The following TOR1AIP1 variants were observed in gnomAD, a reference collection of about 807,000 sequenced individuals.
TOR1AIP1 encodes torsin-1A-interacting protein 1.
In TOR1AIP1, 54 loss-of-function variants were observed where a neutral mutation model predicts 63.3. The ratio of observed to expected loss-of-function variants is 0.85; its 90% CI spans 0.69 to 1.07. TOR1AIP1 has a LOEUF of 1.07. TOR1AIP1 is among the 50% of genes least tolerant of loss of function. TOR1AIP1 has a pLI of 0.00. For missense variants in TOR1AIP1, 736 were observed against 715.0 expected (o/e 1.03, Z -0.33); for synonymous variants, 294 against 273.5 (o/e 1.07, Z -0.74).
intron 8 of TOR1AIP1, among the ~76,000 whole-genome samples, chr1:179,912,418 C>T (rs1248449584): frequency 6.6e-6 from 1 of 152,100 alleles, no homozygotes; most frequent in African/African-American, 2.4e-5. Flanking sequence ...CAATGTCCTG[C>T]CTTGGCAGTA....
At chr1:179,910,375 A>C (rs531835032) in intron 8 of TOR1AIP1, among the ~76,000 whole-genome samples, 2 of 152,340 alleles carry the variant, frequency 1.3e-5, no homozygotes, top group South Asian at 4.1e-4. Context: ...TAATTGGACC[A>C]AATGACATGC....
At chr1:179,903,774 G>T (rs1648538660) in intron 5 of TOR1AIP1, among the ~76,000 whole-genome samples, 192 bp from the exon 6 acceptor site, 1 of 152,214 alleles carries the variant, frequency 6.6e-6, no homozygotes, top group African/African-American at 2.4e-5. Context: ...CTCCCAATGT[G>T]CTGGGATTAT....
chr1:179,896,312 C>CT (rs1385159912), intron 3 of TOR1AIP1, among the ~76,000 whole-genome samples: 1 of 152,012 alleles, frequency 6.6e-6, no homozygotes, highest in African/African-American at 2.4e-5. Context: ...GGGTCTCACT[C>CT]TGTCACCCAG....
chr1:179,916,493 A>AT (rs1451526693), intron 9 of TOR1AIP1, among the ~76,000 whole-genome samples: 1 of 152,196 alleles, frequency 6.6e-6, no homozygotes, highest in Non-Finnish European at 1.5e-5. Flanking sequence ...ATGAAGTAGA[A>AT]TATGAGAAAG....
chr1:179,883,062 C>A (rs527523876), intron 1 of TOR1AIP1, 85 bp downstream of exon 1: 7 of 1,243,402 alleles, frequency 5.6e-6, no homozygotes, highest in Non-Finnish European at 8.0e-6. Context: ...CTCATGCCCG[C>A]CTGGGTACTA....
Position 179,918,299 on chromosome 1 carries a change from C to T in TOR1AIP1, c.*60C>T. The stretch of plus-strand genomic sequence containing the variant: ...CTGAGAATTGTTCACACTTTCTAAC[C>T]AGAGACAGAATTCAGAGCTCTTTTT... On this transcript the variant is annotated 3_prime_UTR_variant, in exon 10 of 10. Transcript: ENST00000606911. 6.8e-7 allele frequency: 1 copy of T among 1,477,664 alleles called. No homozygotes were observed. The highest frequency in any genetic ancestry group is 2.3e-5 in the Admixed American group (1 of 42,894). 91.5% of individuals were successfully genotyped at this position (1,477,664 alleles called of 1,614,324 possible).
At position 179,919,423 on chromosome 1, in the gene TOR1AIP1, G is replaced by A. The variant is rs978847886; in HGVS notation, c.*1184G>A. The stretch of plus-strand genomic sequence containing the variant: ...GATTTCATTTTCCGCGCATCCACTT[G>A]TTGCAGTCCAAGTCCTCTAGTGCAA... On this transcript the variant is annotated 3_prime_UTR_variant, in exon 10 of 10. Coordinates refer to ENST00000606911, the MANE Select transcript of TOR1AIP1 (RefSeq NM_015602.4). The A allele has an allele frequency of 2.0e-5, 3 of 152,170 alleles. No individual in the cohort carries two copies. The highest frequency in any genetic ancestry group is 2.0e-4 in the Admixed American group (3 of 15,278). The allele number at this position is 152,170 out of a possible 1,614,324, so 9.4% of individuals were successfully genotyped here.
intron 7 of TOR1AIP1, 65 bp downstream of exon 7, chr1:179,907,929 T>TC (rs2148480088): frequency 8.0e-7 from 1 of 1,250,934 alleles, no homozygotes; most frequent in African/African-American, 1.6e-5. Context: ...TTTTTTTTTT[T>TC]TTTTTGAGAC....
chr1:179,899,574 G>GT (rs980637848), intron 3 of TOR1AIP1, among the ~76,000 whole-genome samples: 14 of 151,994 alleles, frequency 9.2e-5, no homozygotes, highest in Non-Finnish European at 1.6e-4. Context: ...AGAATTTAAT[G>GT]TTTTTTTTGC....
intron 8 of TOR1AIP1, 56 bp from the exon 9 acceptor site, chr1:179,913,942 A>G: frequency 6.8e-7 from 1 of 1,473,218 alleles, no homozygotes; most frequent in Non-Finnish European, 9.4e-7. Context: ...CTAGAAATAA[A>G]TACTCAAATT....
intron 9 of TOR1AIP1, among the ~76,000 whole-genome samples, chr1:179,915,141 CT>C (rs1207609028): frequency 6.6e-6 from 1 of 152,118 alleles, no homozygotes; most frequent in East Asian, 1.9e-4. Flanking sequence ...AAAAATCCAG[CT>C]TTTATACAGA....
rs549650 is a variant in TOR1AIP1 at position 179,919,093 on chromosome 1, G to C, written c.*854G>C. ...AGCCTGGCCAACATGGTGAAACCCCGTCTCTACTAAAAATACAAAAATTAG... is the reference window on the plus strand; with the variant it reads ...AGCCTGGCCAACATGGTGAAACCCCCTCTCTACTAAAAATACAAAAATTAG... On this transcript the variant is annotated 3_prime_UTR_variant, in exon 10 of 10. Coordinates refer to ENST00000606911, the MANE Select transcript of TOR1AIP1 (RefSeq NM_015602.4). 91,926 of 151,818 alleles carry C rather than the reference G, an allele frequency of 0.61. 28,257 individuals are homozygous for C. The highest frequency in any genetic ancestry group is 0.76 in the East Asian group (3,915 of 5,174). 9.4% of individuals were successfully genotyped at this position (151,818 alleles called of 1,614,324 possible).
rs201023108 is a variant in TOR1AIP1, at chr1:179,882,875, C to G, written c.373C>G (p.Arg125Gly). The stretch of plus-strand genomic sequence containing the variant: ...CCAGGAAACCGAGGAAATGAAGACG[C>G]GAAGGACTACCCGCCTTCAGCAGCA... ...RPQETEEMKTRRTTRLQQQHS... is the reference protein window; with the variant it reads ...RPQETEEMKTGRTTRLQQQHS... Residue 125 changes from arginine to glycine, a missense_variant, in exon 1 of 10, where the codon CGA (arginine) becomes GGA (glycine). Around this residue, in one of 2 missense-constraint regions of TOR1AIP1, gnomAD observed 464 missense variants for 371.0 expected, o/e 1.25. Coordinates refer to ENST00000606911, the MANE Select transcript of TOR1AIP1 (RefSeq NM_015602.4). 136 of 1,614,170 alleles carry G rather than the reference C, an allele frequency of 8.4e-5. No homozygotes were observed. Among genetic ancestry groups the G allele is most frequent in the Middle Eastern group, 1.6e-4 (1 of 6,062 alleles).
At chr1:179,902,605 C>G (rs967205487) in intron 5 of TOR1AIP1, among the ~76,000 whole-genome samples, 1 of 152,128 alleles carries the variant, frequency 6.6e-6, no homozygotes, top group African/African-American at 2.4e-5. Flanking sequence ...CACCCTTCCT[C>G]ATTTTTCCTA....
chr1:179,914,992 CAAG>C (rs2148483036), intron 9 of TOR1AIP1, among the ~76,000 whole-genome samples: 1 of 152,132 alleles, frequency 6.6e-6, no homozygotes, highest in East Asian at 1.9e-4. Flanking sequence ...AATAATTTAG[CAAG>C]AAGAGTAACA....
intron 8 of TOR1AIP1, chr1:179,913,574 C>T (rs1302772364): frequency 4.3e-6 from 3 of 702,164 alleles, no homozygotes; most frequent in African/African-American, 3.5e-5. Flanking sequence ...CTTATTTTCC[C>T]CCTCTTTACA....
chr1:179,913,035 CCT>C (rs1334495722), intron 8 of TOR1AIP1, among the ~76,000 whole-genome samples: 1 of 152,042 alleles, frequency 6.6e-6, no homozygotes, highest in Non-Finnish European at 1.5e-5. Context: ...CCTTCCATTT[CCT>C]CTCTTAGATT....
rs199933063 is a variant in TOR1AIP1 at position 179,882,863 on chromosome 1, G to A, written c.361G>A (p.Glu121Lys). The A allele has an allele frequency of 1.6e-4, 264 of 1,614,232 alleles. No individual in the cohort carries two copies. Among genetic ancestry groups the A allele is most frequent in the Middle Eastern group, 3.3e-4 (2 of 6,062 alleles). The change falls in exon 1 of 10, where the codon GAA (glutamate) becomes AAA (lysine). Residue 121 changes from glutamate to lysine, a missense_variant. By Grantham distance (56) the Glu-to-Lys change is moderately conservative. Around this residue, in one of 2 missense-constraint regions of TOR1AIP1, gnomAD observed 464 missense variants for 371.0 expected, o/e 1.25. Transcript: ENST00000606911. Reference protein sequence around the residue: ...RRQPRPQETEEMKTRRTTRLQ... With the variant: ...RRQPRPQETEKMKTRRTTRLQ... The stretch of plus-strand genomic sequence containing the variant: ...GCAGCCGCGACCCCAGGAAACCGAG[G>A]AAATGAAGACGCGAAGGACTACCCG...
At chr1:179,892,509 G>A (rs762971985) in intron 3 of TOR1AIP1, among the ~76,000 whole-genome samples, 4 of 151,618 alleles carry the variant, frequency 2.6e-5, no homozygotes, top group Non-Finnish European at 5.9e-5. Context: ...AGGCCAAGGC[G>A]GGCAGATCAC....
Sources: gnomAD v4.1 joint callset for allele counts (sites outside exome capture counted in the v4.1 genomes callset) on GRCh38, gnomAD v4.1.1 for gene constraint, gnomAD v4.1.1 regional missense constraint, MANE v1.5 for transcripts, NCBI Gene and HGNC (gene_info 2026-07-23, HGNC 2026-07-21) for gene names.